The following PARD3 variants were observed in gnomAD, a reference collection of about 807,000 sequenced individuals.
The protein encoded by PARD3 is par-3 family cell polarity regulator.
A neutral mutation model predicts 155.4 loss-of-function variants in PARD3; 75 were observed. The observed-to-expected ratio is 0.48, with a 90% confidence interval of 0.40 to 0.58. PARD3 has a LOEUF of 0.58. Among genes scored for constraint, PARD3 ranks in the 20% least tolerant of loss-of-function variants. The pLI is 0.00. For missense variants in PARD3, 1,642 were observed against 1,721.7 expected (o/e 0.95, Z 0.82); for synonymous variants, 576 against 610.5 (o/e 0.94, Z 0.83).
chr10:34,120,479 C>T (rs1946936111), intron 23 of PARD3, among the ~76,000 whole-genome samples: 1 of 152,054 alleles, frequency 6.6e-6, no homozygotes. Flanking sequence ...GAGGGAAAGT[C>T]CAGGAGTGCA....
At chr10:34,309,794 C>A (rs1957608617) in intron 20 of PARD3, among the ~76,000 whole-genome samples, 1 of 110,426 alleles carries the variant, frequency 9.1e-6, no homozygotes, top group Admixed American at 1.4e-4. Context: ...ATGGATGATG[C>A]AGAAAGAATT....
intron 5 of PARD3, among the ~76,000 whole-genome samples, chr10:34,416,545 T>C (rs113383534): frequency 3.3e-5 from 5 of 152,296 alleles, no homozygotes; most frequent in African/African-American, 1.2e-4. Context: ...AGGGCCAGGC[T>C]TCCCTCAGGC....
intron 22 of PARD3, among the ~76,000 whole-genome samples, chr10:34,236,596 CT>C (rs1251722257): frequency 6.6e-6 from 1 of 152,120 alleles, no homozygotes; most frequent in Non-Finnish European, 1.5e-5. Flanking sequence ...GAAAAATTGT[CT>C]TGCAACCCTG....
At chr10:34,567,168 A>T (rs12252493) in intron 2 of PARD3, among the ~76,000 whole-genome samples, 5,842 of 152,286 alleles carry the variant, frequency 0.038, 369 homozygotes, top group African/African-American at 0.13. Flanking sequence ...AACCATTCCT[A>T]AAAGGAGGAT....
At chr10:34,805,050 T>C (rs899016457) in intron 1 of PARD3, among the ~76,000 whole-genome samples, 1 of 152,204 alleles carries the variant, frequency 6.6e-6, no homozygotes, top group Non-Finnish European at 1.5e-5. Context: ...TCTAAAGGGA[T>C]GCGGTACAAT....
chr10:34,781,633 T>C (rs758571445), intron 1 of PARD3, among the ~76,000 whole-genome samples: 5 of 152,202 alleles, frequency 3.3e-5, no homozygotes, highest in Admixed American at 2.6e-4. Context: ...TAATAACTTA[T>C]TTGTTCTTAA....
intron 20 of PARD3, chr10:34,312,188 TG>T: frequency 1.5e-6 from 2 of 1,293,408 alleles, no homozygotes; most frequent in South Asian, 3.1e-5. Flanking sequence ...AAGTTCCAAA[TG>T]GATTAATAAG....
intron 5 of PARD3, among the ~76,000 whole-genome samples, chr10:34,415,511 C>G (rs766188644): frequency 1.3e-5 from 2 of 152,174 alleles, no homozygotes; most frequent in Non-Finnish European, 2.9e-5. Context: ...TCATATATCA[C>G]ATGTTTAAAT....
chr10:34,179,166 GCGCA>G (rs1385120218), intron 22 of PARD3, among the ~76,000 whole-genome samples: 174 of 131,282 alleles, frequency 1.3e-3, no homozygotes, highest in Admixed American at 4.1e-3. Context: ...ATGTGCGTGC[GCGCA>G]CACACACACA....
chr10:34,454,851 T>C (rs1589637695), intron 4 of PARD3, among the ~76,000 whole-genome samples: 1 of 152,312 alleles, frequency 6.6e-6, no homozygotes, highest in East Asian at 1.9e-4. Context: ...CATATTAATT[T>C]GCTGCTCCCT....
chr10:34,738,729 G>A (rs2094958129), intron 1 of PARD3, among the ~76,000 whole-genome samples: 1 of 152,138 alleles, frequency 6.6e-6, no homozygotes, highest in Non-Finnish European at 1.5e-5. Context: ...CTCCAGCCTA[G>A]GTGACAGAGT....
At chr10:34,639,404 T>C (rs1273092094) in intron 2 of PARD3, among the ~76,000 whole-genome samples, 4 of 151,152 alleles carry the variant, frequency 2.6e-5, no homozygotes, top group South Asian at 2.1e-4. Flanking sequence ...ATAAAATACA[T>C]AGGAAAACAC....
At chr10:34,285,532 C>A (rs993407574) in intron 20 of PARD3, among the ~76,000 whole-genome samples, 3 of 151,264 alleles carry the variant, frequency 2.0e-5, no homozygotes, top group Admixed American at 1.3e-4. Context: ...ACTGTGATTG[C>A]GCCACTGTGC....
chr10:34,369,848 A>C (rs923422770), intron 12 of PARD3, among the ~76,000 whole-genome samples: 2 of 152,196 alleles, frequency 1.3e-5, no homozygotes, highest in Non-Finnish European at 2.9e-5. Context: ...ATAGATAATC[A>C]AAGATTTCAC....
At chr10:34,164,190 A>AT (rs1949415624) in intron 22 of PARD3, among the ~76,000 whole-genome samples, 1 of 152,232 alleles carries the variant, frequency 6.6e-6, no homozygotes, top group Non-Finnish European at 1.5e-5. Flanking sequence ...AGAATTGGCC[A>AT]TAAAAAAAAC....
At chr10:34,244,314 T>A (rs1486766412) in intron 22 of PARD3, among the ~76,000 whole-genome samples, 1 of 152,214 alleles carries the variant, frequency 6.6e-6, no homozygotes, top group African/African-American at 2.4e-5. Flanking sequence ...TATTTCTTAC[T>A]CAGGAAACAT....
intron 3 of PARD3, among the ~76,000 whole-genome samples, chr10:34,514,127 G>A (rs1210317669): frequency 1.3e-5 from 2 of 151,902 alleles, no homozygotes; most frequent in Non-Finnish European, 2.9e-5. Flanking sequence ...TTTTTCTATG[G>A]AAAAAAATAC....
At chr10:34,432,380 G>A (rs1043888135) in intron 5 of PARD3, among the ~76,000 whole-genome samples, 1 of 120,964 alleles carries the variant, frequency 8.3e-6, no homozygotes, top group Non-Finnish European at 1.8e-5. Flanking sequence ...ACACACAGAG[G>A]AGTAAAGGTA....
chr10:34,166,219 T>C (rs1949520521), intron 22 of PARD3, among the ~76,000 whole-genome samples: 1 of 152,182 alleles, frequency 6.6e-6, no homozygotes, highest in Non-Finnish European at 1.5e-5. Context: ...TGGACTATGC[T>C]TTCTTAAGTC....
Sources: gnomAD v4.1 joint callset for allele counts (sites outside exome capture counted in the v4.1 genomes callset) on GRCh38, gnomAD v4.1.1 for gene constraint, MANE v1.5 for transcripts, NCBI Gene and HGNC (gene_info 2026-07-23, HGNC 2026-07-21) for gene names.